The following ADNP variants were observed in gnomAD, a reference collection of about 807,000 sequenced individuals.
ADNP encodes the protein activity dependent neuroprotector homeobox, also known as activity-dependent neuroprotector homeobox protein.
Under a neutral mutation model 84.9 loss-of-function variants are expected in ADNP, and 4 were observed. That is an observed-to-expected ratio of 0.05 (90% CI 0.02 to 0.11). ADNP has a LOEUF of 0.11. ADNP is among the 10% of genes least tolerant of loss of function. ADNP has a pLI of 1.00. For missense variants in ADNP, 1,132 were observed against 1,326.0 expected, an observed-to-expected ratio of 0.85 and a Z score of 2.27; for synonymous variants, 554 against 468.1, an observed-to-expected ratio of 1.18 and a Z score of -2.37.
intron 2 of ADNP, among the ~76,000 whole-genome samples, chr20:50,917,306 G>A (rs886182215): frequency 7.2e-5 from 11 of 152,318 alleles, no homozygotes; most frequent in Non-Finnish European, 1.0e-4. Context: ...GAATCTGTAC[G>A]TATCTCAAGT....
At position 50,891,724 on chromosome 20, in the gene ADNP, G is replaced by A; in HGVS notation, c.2990C>T (p.Ser997Phe). ...ATCTTCGCTTTGGGAAGACTCGTCAGACCAGGTTCCTGGTTTCATTTCGCA... is the reference window on the plus strand; with the variant it reads ...ATCTTCGCTTTGGGAAGACTCGTCAAACCAGGTTCCTGGTTTCATTTCGCA... ...NTCEMKPGTWSDESSQSEDAR... is the reference protein window; with the variant it reads ...NTCEMKPGTWFDESSQSEDAR... Residue 997 changes from serine (S) to phenylalanine (F), a missense_variant, in exon 6 of 6, where the codon TCT (serine) becomes TTT (phenylalanine). By Grantham distance (155) the Ser-to-Phe change is radical. Transcript: ENST00000621696. The A allele has an allele frequency of 6.2e-7, 1 of 1,614,208 alleles. No homozygotes were observed. The highest frequency in any genetic ancestry group is 8.5e-7 in the Non-Finnish European group (1 of 1,180,038).
intron 2 of ADNP, among the ~76,000 whole-genome samples, chr20:50,919,712 A>T (rs1983807875): frequency 3.9e-5 from 6 of 152,216 alleles, no homozygotes; most frequent in Admixed American, 3.9e-4. Context: ...ACTTAGGTGA[A>T]GAATCTGCAT....
intron 2 of ADNP, among the ~76,000 whole-genome samples, chr20:50,907,507 T>C (rs1267082145): frequency 1.3e-5 from 2 of 152,114 alleles, no homozygotes; most frequent in Middle Eastern, 3.2e-3. Flanking sequence ...CCTCAGGTGA[T>C]CCACCTGCCT....
intron 2 of ADNP, chr20:50,914,126 G>T (rs1983313516): frequency 5.2e-6 from 4 of 768,010 alleles, no homozygotes; most frequent in Admixed American, 4.0e-5. Flanking sequence ...AATCCAGATG[G>T]TAAGGATCAT....
chr20:50,915,783 G>C (rs754504169), intron 2 of ADNP, among the ~76,000 whole-genome samples: 6 of 152,186 alleles, frequency 3.9e-5, no homozygotes, highest in Non-Finnish European at 7.3e-5. Flanking sequence ...TAGTACTGAG[G>C]CTAAAAAGGG....
At chr20:50,921,074 T>C (rs1286087521) in intron 2 of ADNP, among the ~76,000 whole-genome samples, 2 of 152,232 alleles carry the variant, frequency 1.3e-5, no homozygotes, top group African/African-American at 4.8e-5. Context: ...CTCATTGTTT[T>C]AATGGCAGAA....
chr20:50,930,902 CGGCGGCACGGCGGT>C lies in ADNP; in HGVS notation c.-355_-342del, dbSNP rs1984697510. 2 of 142,052 alleles carry C rather than the reference CGGCGGCACGGCGGT, an allele frequency of 1.4e-5. No individual in the cohort carries two copies. Among genetic ancestry groups the C allele is most frequent in the Admixed American group, 7.0e-5 (1 of 14,350 alleles). 8.8% of individuals were successfully genotyped at this position (142,052 alleles called of 1,614,324 possible). On this transcript the variant is annotated 5_prime_UTR_variant, in exon 1 of 6. Coordinates refer to ENST00000621696, the MANE Select transcript of ADNP (RefSeq NM_001282531.3). Reference sequence around the variant, plus strand: ...AGCGGCGGCGGCGGCGGGCGGATGGCGGCGGCACGGCGGTGGCGGCAGCGGGGAGGGCGCGCCCG... The same window carrying C: ...AGCGGCGGCGGCGGCGGGCGGATGGCGGCGGCAGCGGGGAGGGCGCGCCCG...
intron 2 of ADNP, among the ~76,000 whole-genome samples, chr20:50,913,514 A>G (rs1600977354): frequency 6.6e-6 from 1 of 152,294 alleles, no homozygotes; most frequent in Non-Finnish European, 1.5e-5. Flanking sequence ...TAAACCAATG[A>G]TCTAACTAAA....
chr20:50,921,618 A>T (rs1983958428), intron 2 of ADNP, among the ~76,000 whole-genome samples: 1 of 152,208 alleles, frequency 6.6e-6, no homozygotes, highest in African/African-American at 2.4e-5. Flanking sequence ...CAAGAATTCT[A>T]GCAGTGACCA....
rs754839646 is a variant in ADNP at position 50,902,002 on chromosome 20, T to C, written c.201+15A>G. On this transcript the variant is annotated intron_variant, in intron 5 of 5. Coordinates refer to ENST00000621696, the MANE Select transcript of ADNP (RefSeq NM_001282531.3). The stretch of plus-strand genomic sequence containing the variant: ...AAGCATGCTGCCATCTGAGGAAGTC[T>C]CCTGTGCCACTTACCTGGTTTTTCG... 5 of 1,589,202 alleles carry C rather than the reference T, an allele frequency of 3.1e-6. No individual in the cohort carries two copies. The East Asian group carries it at 8.9e-5, about 28-fold the overall frequency.
intron 5 of ADNP, among the ~76,000 whole-genome samples, chr20:50,897,700 C>T (rs1256792847): frequency 6.6e-6 from 1 of 152,140 alleles, no homozygotes; most frequent in Admixed American, 6.5e-5. Context: ...AGATAGTACG[C>T]CTTAAAAGCT....
chr20:50,895,280 G>A (rs1420935601), intron 5 of ADNP, among the ~76,000 whole-genome samples: 1 of 152,190 alleles, frequency 6.6e-6, no homozygotes, highest in Non-Finnish European at 1.5e-5. Context: ...AGGCTACATG[G>A]CATAGCTTAT....
rs1202610220 is a variant in ADNP at position 50,890,794 on chromosome 20, A to G, written c.*611T>C. 1 of 476,970 alleles carries G rather than the reference A, an allele frequency of 2.1e-6. No individual in the cohort carries two copies. The highest frequency in any genetic ancestry group is 2.7e-6 in the Non-Finnish European group (1 of 365,434). The allele number at this position is 476,970 out of a possible 1,614,324, so 29.5% of individuals were successfully genotyped here. On this transcript the variant is annotated 3_prime_UTR_variant, in exon 6 of 6. Coordinates refer to ENST00000621696, the MANE Select transcript of ADNP (RefSeq NM_001282531.3). ...ATGTGCAAAAACTAAGTCTGTCCAA[A>G]AAGTCCATACTAGCGCAGTTTTGAG...
At chr20:50,900,612 A>C (rs769972267) in intron 5 of ADNP, among the ~76,000 whole-genome samples, 13 of 152,230 alleles carry the variant, frequency 8.5e-5, no homozygotes, top group Non-Finnish European at 1.8e-4. Flanking sequence ...CCACTGTCGT[A>C]GATGTAGTTC....
intron 2 of ADNP, chr20:50,905,118 A>AT (rs1982346493): frequency 6.6e-6 from 1 of 152,204 alleles, no homozygotes; most frequent in South Asian, 2.1e-4. Context: ...TTAGAAATTC[A>AT]TATCAACTTT....
In ADNP at chr20:50,891,996, A is replaced by G. The variant is rs1980805032; in HGVS notation, c.2718T>C (p.Asp906=). 6.2e-7 allele frequency: 1 copy of G among 1,614,194 alleles called. No homozygotes were observed. The highest frequency in any genetic ancestry group is 8.5e-7 in the Non-Finnish European group (1 of 1,180,036). The change falls in exon 6 of 6, where the codon GAT becomes GAC. Residue 906 remains aspartate (D), a synonymous_variant. Transcript: ENST00000621696. ...VFEVEPKISN[D]NPEEHVLKVI... Reference sequence around the variant, plus strand: ...CCTTCAGTACATGTTCCTCTGGGTTATCGTTAGAGATTTTAGGTTCAACTT... The same window carrying G: ...CCTTCAGTACATGTTCCTCTGGGTTGTCGTTAGAGATTTTAGGTTCAACTT...
intron 2 of ADNP, among the ~76,000 whole-genome samples, chr20:50,926,897 T>C (rs1984327108): frequency 6.6e-6 from 1 of 151,952 alleles, no homozygotes; most frequent in African/African-American, 2.4e-5. Flanking sequence ...ATTTTCAAAA[T>C]AAAATTTGTA....
chr20:50,925,771 G>C (rs568334503), intron 2 of ADNP, among the ~76,000 whole-genome samples: 1 of 152,142 alleles, frequency 6.6e-6, no homozygotes, highest in Admixed American at 6.5e-5. Flanking sequence ...AGCAAAATAC[G>C]GCATTTACTC....
At chr20:50,923,013 C>T (rs1176941874) in intron 2 of ADNP, among the ~76,000 whole-genome samples, 2 of 152,018 alleles carry the variant, frequency 1.3e-5, no homozygotes, top group African/African-American at 4.8e-5. Context: ...CAGAATCTTG[C>T]CTTGGGACAC....
Sources: gnomAD v4.1 joint callset for allele counts (sites outside exome capture counted in the v4.1 genomes callset) on GRCh38, gnomAD v4.1.1 for gene constraint, MANE v1.5 for transcripts, NCBI Gene and HGNC (gene_info 2026-07-23, HGNC 2026-07-21) for gene names.